The following FAM171A1 variants were observed in gnomAD, a reference collection of about 807,000 sequenced individuals.
FAM171A1 encodes family with sequence similarity 171 member A1, also known as protein FAM171A1.
A neutral mutation model predicts 74.9 loss-of-function variants in FAM171A1; 23 were observed. The ratio of observed to expected loss-of-function variants is 0.31; its 90% CI spans 0.22 to 0.44. FAM171A1 has a LOEUF of 0.44. Ranked by LOEUF, FAM171A1 falls within the 20% of genes least tolerant of loss-of-function variation. The pLI is 1.00. For synonymous variants in FAM171A1, 527 were observed against 505.7 expected (o/e 1.04, Z -0.57); for missense variants, 1,162 against 1,159.2 (o/e 1.00, Z -0.03).
intron 5 of FAM171A1, among the ~76,000 whole-genome samples, chr10:15,233,545 T>TGC (rs1388338299): frequency 1.3e-5 from 2 of 151,454 alleles, no homozygotes; most frequent in East Asian, 3.9e-4. Context: ...TGTGTGTGTG[T>TGC]GTGTGTGTGT....
At chr10:15,307,096 C>T (rs1185856876) in intron 1 of FAM171A1, among the ~76,000 whole-genome samples, 1 of 152,160 alleles carries the variant, frequency 6.6e-6, no homozygotes, top group Non-Finnish European at 1.5e-5. Context: ...CTTCTATGTG[C>T]TGACCCAGGA....
chr10:15,218,890 C>T (rs1834000715), intron 6 of FAM171A1, among the ~76,000 whole-genome samples: 1 of 152,138 alleles, frequency 6.6e-6, no homozygotes, highest in Non-Finnish European at 1.5e-5. Context: ...CTACCATGCC[C>T]TGGCCTGTGT....
chr10:15,237,228 C>G (rs896677148), intron 5 of FAM171A1, among the ~76,000 whole-genome samples: 1 of 152,058 alleles, frequency 6.6e-6, no homozygotes, highest in South Asian at 2.1e-4. Flanking sequence ...CAAAAGCAGG[C>G]TATACCAAGA....
chr10:15,300,620 CAA>C (rs145825136), intron 1 of FAM171A1, among the ~76,000 whole-genome samples: 56 of 98,122 alleles, frequency 5.7e-4, no homozygotes, highest in African/African-American at 2.0e-3. Flanking sequence ...AAAAAATAAA[CAA>C]AAAAAAAACT....
rs548065581 is a variant in FAM171A1, at chr10:15,348,301, C to T, written c.97+22655G>A. ...GCCAAGAATGACATTTTCTAGGTAG[C>T]CTTTTTTTTGGTTTAATGTATAGAC... is the stretch of plus-strand genomic sequence containing the variant. On this transcript the variant is annotated intron_variant, in intron 1 of 7. Coordinates refer to ENST00000378116, the MANE Select transcript of FAM171A1 (RefSeq NM_001010924.2). 1.3e-4 allele frequency among the ~76,000 whole-genome samples: 20 copies of T among 150,908 alleles called. No homozygotes were observed. In the South Asian group the frequency reaches 3.8e-3, roughly 29 times the overall value.
Position 15,213,835 on chromosome 10 carries a change from C to T in FAM171A1, c.1753G>A (p.Ala585Thr). ...TCCCCGGGGAGTTTCATATAATGAG[C>T]CGGGATGACCAAGGCAGGCAGTACT... Reference protein sequence around the residue: ...RKVLPALVIPAHYMKLPGDHS... With the variant: ...RKVLPALVIPTHYMKLPGDHS... Residue 585 changes from alanine to threonine, a missense_variant, in exon 8 of 8, where the codon GCT becomes ACT. Ala to Thr is a moderately conservative substitution (Grantham distance 58). Coordinates refer to ENST00000378116, the MANE Select transcript of FAM171A1 (RefSeq NM_001010924.2). This position sits in a 1 kb window ranked among gnomAD's most constrained non-coding sequence, Gnocchi z 6.8. The T allele has an allele frequency of 6.2e-7, 1 of 1,614,074 alleles. No individual in the cohort carries two copies. Among genetic ancestry groups the T allele is most frequent in the Non-Finnish European group, 8.5e-7 (1 of 1,180,008 alleles).
chr10:15,278,908 AG>A, intron 2 of FAM171A1, among the ~76,000 whole-genome samples: 1 of 152,344 alleles, frequency 6.6e-6, no homozygotes. Flanking sequence ...CCTAAGGCAC[AG>A]GGCACCTCCT....
rs567988140 is a variant in FAM171A1, at chr10:15,307,001, C to T, written c.98-22896G>A. On this transcript the variant is annotated intron_variant, in intron 1 of 7. Coordinates refer to ENST00000378116, the MANE Select transcript of FAM171A1 (RefSeq NM_001010924.2). ...GACACGGAACCCTCTCCAGGGCTTT[C>T]GGTCACTGCAGTTCACAGGTGCGGA... Among the ~76,000 whole-genome samples, 104 of 152,268 alleles carry T rather than the reference C, an allele frequency of 6.8e-4. 2 individuals are homozygous for T. The South Asian group carries it at 0.018, about 27-fold the overall frequency.
upstream of FAM171A1, among the ~76,000 whole-genome samples, chr10:15,373,430 C>T (rs1327135489): frequency 6.6e-6 from 1 of 152,222 alleles, no homozygotes; most frequent in Non-Finnish European, 1.5e-5. Context: ...AAACAACTTG[C>T]CCACAATACA....
Position 15,248,634 on chromosome 10 carries a change from C to T in FAM171A1, c.754+5G>A. On this transcript the variant is annotated splice_donor_5th_base_variant and intron_variant, in intron 5 of 7. Coordinates refer to ENST00000378116, the MANE Select transcript of FAM171A1 (RefSeq NM_001010924.2). Reference sequence around the variant, plus strand: ...GCCGATTGTCGGCACAGAACTCTTGCTTACCCAGCTTCTGGTCAAACCGCC... The same window carrying T: ...GCCGATTGTCGGCACAGAACTCTTGTTTACCCAGCTTCTGGTCAAACCGCC... 6.3e-7 allele frequency: 1 copy of T among 1,598,132 alleles called. No homozygotes were observed. The highest frequency in any genetic ancestry group is 8.5e-7 in the Non-Finnish European group (1 of 1,171,882).
chr10:15,351,504 A>G (rs746863174), intron 1 of FAM171A1, among the ~76,000 whole-genome samples: 5 of 152,230 alleles, frequency 3.3e-5, no homozygotes, highest in Non-Finnish European at 7.3e-5. Context: ...TTGAAAATCT[A>G]TAAACGACCA....
chr10:15,322,877 T>C (rs1835503232), intron 1 of FAM171A1, among the ~76,000 whole-genome samples: 2 of 152,214 alleles, frequency 1.3e-5, no homozygotes, highest in African/African-American at 2.4e-5. Context: ...CAGTGACTCA[T>C]GTCTGTAATC....
At chr10:15,334,118 T>A (rs1055808162) in intron 1 of FAM171A1, among the ~76,000 whole-genome samples, 2 of 152,232 alleles carry the variant, frequency 1.3e-5, no homozygotes, top group African/African-American at 2.4e-5. Flanking sequence ...CCAGATGTCA[T>A]GGCTTCATTA....
chr10:15,281,628 G>T (rs760903704), intron 2 of FAM171A1, among the ~76,000 whole-genome samples: 1 of 152,162 alleles, frequency 6.6e-6, no homozygotes, highest in Non-Finnish European at 1.5e-5. Context: ...TTGGGAGGCC[G>T]AGGCAAGTGG....
intron 1 of FAM171A1, among the ~76,000 whole-genome samples, chr10:15,337,176 T>C (rs1360140837): frequency 6.6e-6 from 1 of 152,092 alleles, no homozygotes; most frequent in Non-Finnish European, 1.5e-5. Context: ...CCACCGAACC[T>C]GGCTGCTATC....
chr10:15,333,683 A>G (rs1399839548), intron 1 of FAM171A1, among the ~76,000 whole-genome samples: 5 of 151,844 alleles, frequency 3.3e-5, no homozygotes, highest in Admixed American at 6.6e-5. Flanking sequence ...TCTAAAAAAT[A>G]TAGCTGGGTG....
At chr10:15,286,371 G>T (rs1365139366) in intron 1 of FAM171A1, among the ~76,000 whole-genome samples, 1 of 152,066 alleles carries the variant, frequency 6.6e-6, no homozygotes, top group Non-Finnish European at 1.5e-5. Context: ...ACCTCTGCCT[G>T]CTGGGTTCAA....
intron 6 of FAM171A1, among the ~76,000 whole-genome samples, chr10:15,219,184 A>G (rs1834004458): frequency 6.6e-6 from 1 of 152,132 alleles, no homozygotes. Context: ...CTGGAGTCTG[A>G]GGCAGGATAA....
At chr10:15,302,486 A>C (rs1835242552) in intron 1 of FAM171A1, among the ~76,000 whole-genome samples, 1 of 150,294 alleles carries the variant, frequency 6.7e-6, no homozygotes, top group African/African-American at 2.4e-5. Context: ...AAACAAAACA[A>C]AACAAAAAAA....
Sources: allele counts gnomAD v4.1 joint callset (sites outside exome capture counted in the v4.1 genomes callset), GRCh38; gene constraint gnomAD v4.1.1; non-coding constraint Gnocchi (gnomAD v3.1); transcripts MANE v1.5; gene names NCBI Gene and HGNC (gene_info 2026-07-23, HGNC 2026-07-21).